RPS17: variants seen among roughly 807,000 people sequenced by gnomAD.
RPS17 encodes small ribosomal subunit protein eS17.
For synonymous variants in RPS17, 75 were observed against 65.6 expected (o/e 1.14, Z -0.70); for missense variants, 68 against 182.3 (o/e 0.37, Z 3.61).
chr15:82,538,385 A>T lies in RPS17; in HGVS notation c.262-14T>A. The stretch of plus-strand genomic sequence containing the variant: ...CAAGGCTGAGACCTACAAGGAAACG[A>T]GGTAGGGTCAAAATACCAATCAATG... On this transcript the variant is annotated splice_polypyrimidine_tract_variant and intron_variant, in intron 3 of 4. Transcript: ENST00000647841. The T allele has an allele frequency of 6.2e-7, 1 of 1,611,780 alleles. No individual in the cohort carries two copies. Among genetic ancestry groups the T allele is most frequent in the Non-Finnish European group, 8.5e-7 (1 of 1,179,558 alleles).
intron 2 of RPS17, chr15:82,539,454 G>T (rs975803173): frequency 6.5e-6 from 3 of 459,070 alleles, no homozygotes; most frequent in Non-Finnish European, 1.3e-5. Flanking sequence ...TTGGGAGGCC[G>T]AGGCGGGCGG....
intron 3 of RPS17, chr15:82,538,634 C>A (rs2034282725): frequency 4.7e-6 from 3 of 643,852 alleles, no homozygotes; most frequent in African/African-American, 3.7e-5. Context: ...GGCAAACAAT[C>A]GAGCCACGAC....
In RPS17 at chr15:82,540,413, C is replaced by A; in HGVS notation, c.3+13G>T. 1 of 1,595,710 alleles carries A rather than the reference C, an allele frequency of 6.3e-7. No individual in the cohort carries two copies. Among genetic ancestry groups the A allele is most frequent in the Non-Finnish European group, 8.5e-7 (1 of 1,172,380 alleles). ...GATTGTGGAGGATGGCGGCCTCGAG[C>A]CAAAACACCTACCATGTTGGCGGGT... On this transcript the variant is annotated intron_variant, in intron 1 of 4. Transcript: ENST00000647841.
intron 3 of RPS17, chr15:82,538,655 A>C (rs1300359597): frequency 1.2e-5 from 8 of 657,820 alleles, no homozygotes; most frequent in Non-Finnish European, 1.9e-5. Context: ...AGCAGTCATC[A>C]AATCAACATT....
intron 3 of RPS17, 74 bp from the exon 4 acceptor site, chr15:82,538,445 G>T: frequency 6.6e-7 from 1 of 1,525,314 alleles, no homozygotes; most frequent in Non-Finnish European, 9.1e-7. Flanking sequence ...CCTCTCCCCA[G>T]GTTCTTAAAT....
chr15:82,538,348 A>C lies in RPS17; in HGVS notation c.285T>G (p.Ile95Met). 1 of 1,612,692 alleles carries C rather than the reference A, an allele frequency of 6.2e-7. No homozygotes were observed. Residue 95 changes from isoleucine to methionine, a missense_variant, in exon 4 of 5, where the codon ATT becomes ATG. Physicochemically the swap from Ile to Met is conservative, Grantham distance 10. Transcript: ENST00000647841. ...CCTTAGTGTCAGGATCTACTTCAATAATCTCCTGATCCAAGGCTGAGACCT... is the reference window on the plus strand; with the variant it reads ...CCTTAGTGTCAGGATCTACTTCAATCATCTCCTGATCCAAGGCTGAGACCT... The part of the protein sequence containing the change: ...VPEVSALDQE[I>M]IEVDPDTKEM...
chr15:82,539,853 C>T, intron 2 of RPS17, 128 bp downstream of exon 2: 1 of 1,476,150 alleles, frequency 6.8e-7, no homozygotes, highest in Non-Finnish European at 9.5e-7. Context: ...AGCTCTAGCC[C>T]TTCTCCGGGA....
chr15:82,540,301 T>G, intron 1 of RPS17, 125 bp downstream of exon 1: 1 of 1,585,698 alleles, frequency 6.3e-7, no homozygotes, highest in Non-Finnish European at 8.6e-7. Context: ...GCCGGCCCGT[T>G]GCGCTCCAGC....
chr15:82,539,969 G>A lies in RPS17; in HGVS notation c.155+12C>T, dbSNP rs2034316840. 5 of 1,611,932 alleles carry A rather than the reference G, an allele frequency of 3.1e-6. No homozygotes were observed. The highest frequency in any genetic ancestry group is 4.2e-6 in the Non-Finnish European group (5 of 1,179,874). On this transcript the variant is annotated intron_variant, in intron 2 of 4. Coordinates refer to ENST00000647841, the MANE Select transcript of RPS17 (RefSeq NM_001021.6). Reference sequence around the variant, plus strand: ...TCGCGGAGCCCCGGAGGCCGAGGAAGGCCCGACTCACCCTGCTATCTTGTT... The same window carrying A: ...TCGCGGAGCCCCGGAGGCCGAGGAAAGCCCGACTCACCCTGCTATCTTGTT...
At chr15:82,537,854 G>C (rs2034267727) in intron 4 of RPS17, 1 of 456,068 alleles carries the variant, frequency 2.2e-6, no homozygotes, top group Non-Finnish European at 4.4e-6. Context: ...ACTAAGATAA[G>C]CCATAGAAAA....
intron 2 of RPS17, chr15:82,539,780 C>T: frequency 4.4e-6 from 4 of 916,226 alleles, no homozygotes; most frequent in Non-Finnish European, 7.0e-6. Flanking sequence ...ACCTTCGACC[C>T]AGGGTCACCG....
chr15:82,537,228 T>TA, intron 4 of RPS17: 1 of 412,016 alleles, frequency 2.4e-6, no homozygotes, highest in Non-Finnish European at 4.6e-6. Context: ...TTCTTTGTTA[T>TA]AGGCAGCTGT....
At chr15:82,537,880 T>C (rs950546104) in intron 4 of RPS17, 28 of 456,342 alleles carry the variant, frequency 6.1e-5, no homozygotes, top group Non-Finnish European at 1.1e-4. Context: ...CAAAGTGCAA[T>C]GAAGATACTC....
chr15:82,538,858 C>G, intron 3 of RPS17, 22 bp downstream of exon 3: 1 of 1,611,980 alleles, frequency 6.2e-7, no homozygotes, highest in Non-Finnish European at 8.5e-7. Context: ...TAGCCAGAAG[C>G]CCAAATATCC....
chr15:82,540,010 G>A lies in RPS17; in HGVS notation c.126C>T (p.Pro42=), dbSNP rs1488454011. 20 of 1,612,154 alleles carry A rather than the reference G, an allele frequency of 1.2e-5. No homozygotes were observed. Among genetic ancestry groups the A allele is most frequent in the Admixed American group, 1.7e-5 (1 of 60,024 alleles). Residue 42 remains proline, a synonymous_variant, in exon 2 of 5, where the codon CCC becomes CCT. Transcript: ENST00000647841. The stretch of plus-strand genomic sequence containing the variant: ...CTATCTTGTTGCGGAGCTTTTTGCT[G>A]GGGATAATGGCGATCTCCTCGCACA... ...KRVCEEIAII[P]SKKLRNKIAG...
chr15:82,538,207 C>G, intron 4 of RPS17, 99 bp downstream of exon 4: 1 of 1,346,666 alleles, frequency 7.4e-7, no homozygotes, highest in Non-Finnish European at 1.1e-6. Context: ...ATGGGATTCC[C>G]AACTCTGCCA....
At chr15:82,539,098 AGG>A (rs2034293696) in intron 2 of RPS17, 113 bp from the exon 3 acceptor site, 1 of 1,070,258 alleles carries the variant, frequency 9.3e-7, no homozygotes. Context: ...CACAGTGAGA[AGG>A]AAGAGGACTC....
At chr15:82,539,394 A>G (rs1261057355) in intron 2 of RPS17, 3 of 463,312 alleles carry the variant, frequency 6.5e-6, no homozygotes, top group African/African-American at 5.9e-5. Context: ...TAAGCATTAG[A>G]AGTTGACATC....
At chr15:82,537,361 ACT>A (rs1427438030) in intron 4 of RPS17, 5 of 275,138 alleles carry the variant, frequency 1.8e-5, no homozygotes, top group Non-Finnish European at 3.5e-5. Flanking sequence ...CTAAAGCAAA[ACT>A]CTGTCCCTTT....
Sources: gnomAD v4.1 joint callset for allele counts on GRCh38, gnomAD v4.1.1 for gene constraint, MANE v1.5 for transcripts, NCBI Gene and HGNC (gene_info 2026-07-23, HGNC 2026-07-21) for gene names.